The following PDK1 variants were observed in gnomAD, a reference collection of about 807,000 sequenced individuals.
PDK1 encodes pyruvate dehydrogenase kinase 1, also known as [Pyruvate dehydrogenase (acetyl-transferring)] kinase isozyme 1, mitochondrial.
A neutral mutation model predicts 54.2 loss-of-function variants in PDK1; 39 were observed. The observed-to-expected ratio is 0.72, with a 90% CI of 0.56 to 0.94. The LOEUF is 0.94. PDK1 is among the 40% of genes least tolerant of loss of function. PDK1 has a pLI of 0.00. For missense variants in PDK1, 552 were observed against 566.0 expected (o/e 0.98, Z 0.25); for synonymous variants, 221 against 207.1 (o/e 1.07, Z -0.58).
At chr2:172,656,839 C>A in the PDK1 span, among the ~76,000 whole-genome samples, 1 of 151,920 alleles carries the variant, frequency 6.6e-6, no homozygotes, top group Non-Finnish European at 1.5e-5. Context: ...AAGTAATTCC[C>A]CCACCCACAC....
chr2:172,558,749 C>T lies in PDK1; in HGVS notation c.238C>T (p.Arg80Trp), dbSNP rs1172034175. ...TGAAAAGACCTCATTTATGTTTCTG[C>T]GGCAAGAGTTGCCTGTCAGACTGGC... ...ACEKTSFMFL[R>W]QELPVRLANI... Residue 80 changes from arginine (R) to tryptophan (W), a missense_variant, in exon 2 of 11, where the codon CGG becomes TGG. Coordinates refer to ENST00000282077, the MANE Select transcript of PDK1 (RefSeq NM_002610.5). The T allele has an allele frequency of 2.5e-6, 4 of 1,609,484 alleles. No homozygotes were observed. In the Admixed American group the frequency reaches 5.1e-5, roughly 21 times the overall value.
chr2:172,635,859 A>G, the PDK1 span, among the ~76,000 whole-genome samples: 22,930 of 152,196 alleles, frequency 0.15, 1,915 homozygotes, highest in African/African-American at 0.2. Flanking sequence ...CACCACCCCA[A>G]TAGCTCAAAG....
intron 8 of PDK1, among the ~76,000 whole-genome samples, chr2:172,580,117 CGTTTCCTGA>C (rs539572585): frequency 1.8e-3 from 276 of 151,786 alleles, no homozygotes; most frequent in Non-Finnish European, 3.3e-3. Flanking sequence ...CTGCATTGTC[CGTTTCCTGA>C]GTTTCCTTTT....
rs145050477 is a variant in PDK1, at chr2:172,574,083, G to A, written c.945+3259G>A. On this transcript the variant is annotated intron_variant, in intron 8 of 10. Coordinates refer to ENST00000282077, the MANE Select transcript of PDK1 (RefSeq NM_002610.5). Reference sequence around the variant, plus strand: ...TTTTAGCTTTTATATTTAGGTCTTCGATCCATTTTGAGTTAAGTTTTGTAC... The same window carrying A: ...TTTTAGCTTTTATATTTAGGTCTTCAATCCATTTTGAGTTAAGTTTTGTAC... 2.9e-3 allele frequency among the ~76,000 whole-genome samples: 447 copies of A among 152,124 alleles called. 2 individuals carry two copies. The highest frequency in any genetic ancestry group is 5.0e-3 in the Non-Finnish European group (337 of 68,000).
rs145990104 is a variant in PDK1, at chr2:172,566,514, G to A, written c.692-342G>A. ...GGAGGCTGCAGTGAGCCGAGATAGC[G>A]CCACTGCACTCCAGCCTGGTTGATC... is the stretch of plus-strand genomic sequence containing the variant. On this transcript the variant is annotated intron_variant, in intron 5 of 10. Transcript: ENST00000282077. Among the ~76,000 whole-genome samples, 45 of 151,864 alleles carry A rather than the reference G, an allele frequency of 3.0e-4. 1 individual carries two copies. Among genetic ancestry groups the A allele is most frequent in the African/African-American group, 9.4e-4 (39 of 41,390 alleles).
the PDK1 span, among the ~76,000 whole-genome samples, chr2:172,693,939 C>A: frequency 1.3e-5 from 2 of 152,286 alleles, no homozygotes; most frequent in South Asian, 4.2e-4. Context: ...TCTTGGGAGC[C>A]TACTGTGCTC....
chr2:172,652,865 G>T, the PDK1 span, among the ~76,000 whole-genome samples: 2 of 152,150 alleles, frequency 1.3e-5, no homozygotes, highest in Non-Finnish European at 2.9e-5. Context: ...TGGATAGGAA[G>T]AATCAAGATC....
chr2:172,687,473 G>A, the PDK1 span, among the ~76,000 whole-genome samples: 523 of 152,214 alleles, frequency 3.4e-3, 2 homozygotes, highest in Non-Finnish European at 4.6e-3. Context: ...ATTAGAAGAG[G>A]GAAGTTAGAA....
the PDK1 span, among the ~76,000 whole-genome samples, chr2:172,623,107 G>A: frequency 2.0e-4 from 31 of 151,500 alleles, no homozygotes; most frequent in East Asian, 5.6e-3. Context: ...CAGAGATCAT[G>A]CCACTGCACT....
At chr2:172,578,973 T>C (rs1689729269) in intron 8 of PDK1, among the ~76,000 whole-genome samples, 1 of 152,212 alleles carries the variant, frequency 6.6e-6, no homozygotes, top group South Asian at 2.1e-4. Flanking sequence ...CCTTAACCTT[T>C]AGGTCCTGCT....
chr2:172,680,097 A>G, the PDK1 span, among the ~76,000 whole-genome samples: 2 of 151,926 alleles, frequency 1.3e-5, no homozygotes, highest in African/African-American at 4.8e-5. Flanking sequence ...ACTTTTCTTG[A>G]CCCCCAAGTT....
chr2:172,612,193 T>TA (rs149491978), downstream of PDK1, among the ~76,000 whole-genome samples: 1,340 of 152,346 alleles, frequency 8.8e-3, 26 homozygotes, highest in African/African-American at 0.031. Flanking sequence ...GATCCACCGT[T>TA]ATACATTAAC....
chr2:172,571,718 A>C (rs2149235458), intron 8 of PDK1, among the ~76,000 whole-genome samples: 1 of 152,148 alleles, frequency 6.6e-6, no homozygotes, highest in South Asian at 2.1e-4. Flanking sequence ...TAATCATTTA[A>C]AAATTTATAT....
chr2:172,706,806 C>T, the PDK1 span, among the ~76,000 whole-genome samples: 1 of 152,304 alleles, frequency 6.6e-6, no homozygotes, highest in South Asian at 2.1e-4. Flanking sequence ...TCTTAGCAGT[C>T]TTTTGGTACC....
intron 9 of PDK1, among the ~76,000 whole-genome samples, chr2:172,586,792 A>G (rs1690254466): frequency 6.6e-6 from 1 of 152,212 alleles, no homozygotes; most frequent in Non-Finnish European, 1.5e-5. Flanking sequence ...CTCATATCCT[A>G]GACTGAAAAA....
the PDK1 span, among the ~76,000 whole-genome samples, chr2:172,714,103 C>T: frequency 6.6e-6 from 1 of 152,182 alleles, no homozygotes; most frequent in African/African-American, 2.4e-5. Flanking sequence ...TAGAGTAGTA[C>T]TTTTTGTTGC....
intron 5 of PDK1, among the ~76,000 whole-genome samples, chr2:172,565,357 G>A (rs1172097059): frequency 6.6e-6 from 1 of 152,160 alleles, no homozygotes; most frequent in African/African-American, 2.4e-5. Flanking sequence ...AGGCTGGAGT[G>A]CAGTGGTGTG....
At chr2:172,563,694 A>G (rs1688778165) in intron 3 of PDK1, among the ~76,000 whole-genome samples, 1 of 152,154 alleles carries the variant, frequency 6.6e-6, no homozygotes, top group Admixed American at 6.5e-5. Context: ...TTAGCCAGGC[A>G]TCATGGTACA....
At chr2:172,657,526 A>G in the PDK1 span, among the ~76,000 whole-genome samples, 1 of 151,432 alleles carries the variant, frequency 6.6e-6, no homozygotes, top group South Asian at 2.1e-4. Flanking sequence ...ATAAAATCTG[A>G]TACACTTATG....
Sources: gnomAD v4.1 joint callset for allele counts (sites outside exome capture counted in the v4.1 genomes callset) on GRCh38, gnomAD v4.1.1 for gene constraint, MANE v1.5 for transcripts, NCBI Gene and HGNC (gene_info 2026-07-23, HGNC 2026-07-21) for gene names.